The following ADAMTSL1 variants were observed in gnomAD, a reference collection of about 807,000 sequenced individuals.
The protein encoded by ADAMTSL1 is ADAMTS like 1.
A neutral mutation model predicts 201.8 loss-of-function variants in ADAMTSL1; 126 were observed. The observed-to-expected ratio is 0.62, with a 90% confidence interval of 0.54 to 0.72. ADAMTSL1 has a LOEUF of 0.72. ADAMTSL1 is among the 30% of genes least tolerant of loss of function. The pLI, the probability that ADAMTSL1 is intolerant of heterozygous loss-of-function variation, is 0.00. For synonymous variants in ADAMTSL1, 1,121 were observed against 903.4 expected (o/e 1.24, Z -4.32); for missense variants, 2,679 against 2,277.8 (o/e 1.18, Z -3.59).
chr9:18,801,029 G>T (rs1273910804), intron 20 of ADAMTSL1, among the ~76,000 whole-genome samples: 1 of 152,214 alleles, frequency 6.6e-6, no homozygotes, highest in Non-Finnish European at 1.5e-5. Context: ...ACAAGGATAT[G>T]AGAAGGAAGG....
intron 2 of ADAMTSL1, among the ~76,000 whole-genome samples, chr9:18,332,313 G>A (rs1286242508): frequency 6.6e-6 from 1 of 152,052 alleles, no homozygotes; most frequent in Admixed American, 6.6e-5. Flanking sequence ...TTTAGGGATG[G>A]GTATGTTAAT....
Position 18,577,911 on chromosome 9 carries a change from G to A in ADAMTSL1, c.474+3645G>A, listed in dbSNP as rs532319644. Among the ~76,000 whole-genome samples, 22 of 151,764 alleles carry A rather than the reference G, an allele frequency of 1.4e-4. No homozygotes were observed. In the South Asian group the frequency reaches 3.5e-3, roughly 24 times the overall value. ...ATCACAAGGAAGTAGTAAGAACCCA[G>A]TTTCAGAATAAAGGACAATTCTTTG... On this transcript the variant is annotated intron_variant, in intron 4 of 28. Coordinates refer to ENST00000380548, the MANE Select transcript of ADAMTSL1 (RefSeq NM_001040272.6).
chr9:18,873,545 T>C (rs1243740035), intron 23 of ADAMTSL1, among the ~76,000 whole-genome samples: 1 of 152,230 alleles, frequency 6.6e-6, no homozygotes, highest in East Asian at 1.9e-4. Context: ...GCACCTTTTA[T>C]TGAATAGGGT....
chr9:18,890,455 A>G (rs148938917), intron 25 of ADAMTSL1: 1 of 454,942 alleles, frequency 2.2e-6, no homozygotes, highest in East Asian at 7.0e-5. Context: ...TGCAGTGCTG[A>G]GAGCCTGGGG....
At chr9:18,530,171 C>G (rs937309656) in intron 2 of ADAMTSL1, among the ~76,000 whole-genome samples, 2 of 152,068 alleles carry the variant, frequency 1.3e-5, no homozygotes, top group Non-Finnish European at 2.9e-5. Context: ...AGTTGGTGAT[C>G]CTAACTTTGT....
intron 1 of ADAMTSL1, among the ~76,000 whole-genome samples, chr9:18,003,628 G>A (rs1465482804): frequency 6.6e-6 from 1 of 152,088 alleles, no homozygotes; most frequent in African/African-American, 2.4e-5. Context: ...TACTCTTGTA[G>A]CAAGTCGGAT....
chr9:18,477,938 C>T (rs549983014), intron 1 of ADAMTSL1, among the ~76,000 whole-genome samples: 4 of 152,210 alleles, frequency 2.6e-5, no homozygotes, highest in African/African-American at 9.6e-5. Flanking sequence ...AATCTTGTTA[C>T]ACCAGGAAAG....
chr9:18,355,112 C>T (rs898761333), intron 2 of ADAMTSL1, among the ~76,000 whole-genome samples: 6 of 152,170 alleles, frequency 3.9e-5, no homozygotes, highest in Non-Finnish European at 8.8e-5. Flanking sequence ...AGAATCTACA[C>T]CTGGGAGACC....
chr9:18,536,114 A>T (rs1177925385), intron 3 of ADAMTSL1, among the ~76,000 whole-genome samples: 1 of 152,202 alleles, frequency 6.6e-6, no homozygotes, highest in Non-Finnish European at 1.5e-5. Flanking sequence ...TGATAACAGA[A>T]GCAGCATTGC....
chr9:18,007,938 C>G (rs1347666683), intron 1 of ADAMTSL1, among the ~76,000 whole-genome samples: 2 of 151,924 alleles, frequency 1.3e-5, no homozygotes, highest in Non-Finnish European at 2.9e-5. Flanking sequence ...ATAATTTGGC[C>G]TCAGACCATC....
intron 20 of ADAMTSL1, among the ~76,000 whole-genome samples, chr9:18,813,764 C>G (rs1823658973): frequency 6.6e-6 from 1 of 152,176 alleles, no homozygotes; most frequent in Admixed American, 6.5e-5. Flanking sequence ...CAAACAAGGA[C>G]AGTATAACTT....
At chr9:18,470,059 G>A (rs1821147730), upstream of ADAMTSL1, among the ~76,000 whole-genome samples, 1 of 152,184 alleles carries the variant, frequency 6.6e-6, no homozygotes, top group Non-Finnish European at 1.5e-5. Flanking sequence ...CTCAGTGTAT[G>A]TAGCTATTTT....
chr9:18,880,115 CTCT>C lies in ADAMTSL1; in HGVS notation c.4250-7714_4250-7712del, dbSNP rs1828434886. On this transcript the variant is annotated intron_variant, in intron 23 of 28. Transcript: ENST00000380548. ...TCAGGCTTTACTTCTCATACTAGTT[CTCT>C]TGTTATTTCTACCACATCTGCAGTG... Among the ~76,000 whole-genome samples the C allele has an allele frequency of 2.0e-5, 3 of 152,150 alleles. No individual in the cohort carries two copies. In the South Asian group the frequency reaches 6.2e-4, roughly 32 times the overall value.
chr9:18,739,356 A>G (rs1818692446), intron 15 of ADAMTSL1, among the ~76,000 whole-genome samples: 2 of 152,334 alleles, frequency 1.3e-5, no homozygotes, highest in East Asian at 3.9e-4. Context: ...CATGTCTCCT[A>G]CTTAGTAAAT....
intron 3 of ADAMTSL1, among the ~76,000 whole-genome samples, chr9:18,573,075 A>C (rs921481828): frequency 6.6e-6 from 1 of 152,132 alleles, no homozygotes; most frequent in African/African-American, 2.4e-5. Flanking sequence ...ATAGTTTTAC[A>C]TTTTAAATTG....
intron 1 of ADAMTSL1, among the ~76,000 whole-genome samples, chr9:17,926,411 G>C (rs562052316): frequency 6.6e-6 from 1 of 152,142 alleles, no homozygotes; most frequent in Non-Finnish European, 1.5e-5. Context: ...CACATCACCA[G>C]TGTGGATCGT....
At position 17,982,214 on chromosome 9, in the gene ADAMTSL1, G is replaced by T. The variant is rs534898312; in HGVS notation, c.87+75292G>T. On this transcript the variant is annotated intron_variant, in intron 1 of 29. Coordinates refer to the ADAMTSL1 transcript ENST00000680146. ...TACTGACATAGCATGACATTAGTTT[G>T]GTGATAAAGCCATGAAAATTTTATA... is the stretch of plus-strand genomic sequence containing the variant. Among the ~76,000 whole-genome samples the T allele has an allele frequency of 2.6e-5, 4 of 152,188 alleles. No homozygotes were observed. The South Asian group carries it at 6.2e-4, about 24-fold the overall frequency.
intron 1 of ADAMTSL1, among the ~76,000 whole-genome samples, chr9:17,964,262 A>G (rs1817884721): frequency 6.6e-6 from 1 of 152,136 alleles, no homozygotes; most frequent in Non-Finnish European, 1.5e-5. Context: ...CTCATAAGCT[A>G]TGTCATTCCT....
intron 20 of ADAMTSL1, among the ~76,000 whole-genome samples, chr9:18,798,522 C>T (rs1019659384): frequency 5.9e-5 from 9 of 152,220 alleles, no homozygotes; most frequent in Non-Finnish European, 7.3e-5. Flanking sequence ...CAAAAGCCAA[C>T]TTATGTTTAC....
Sources: gnomAD v4.1 joint callset for allele counts (sites outside exome capture counted in the v4.1 genomes callset) on GRCh38, gnomAD v4.1.1 for gene constraint, MANE v1.5 for transcripts, NCBI Gene and HGNC (gene_info 2026-07-23, HGNC 2026-07-21) for gene names.